The following PARD3B variants were observed in gnomAD, a reference collection of about 807,000 sequenced individuals.
PARD3B encodes par-3 family cell polarity regulator beta, also known as partitioning defective 3 homolog B.
A neutral mutation model predicts 130.2 loss-of-function variants in PARD3B; 103 were observed. That is an observed-to-expected ratio of 0.79 (90% CI 0.67 to 0.93). The LOEUF (loss-of-function observed/expected upper bound fraction) is 0.93. Ranked by LOEUF, PARD3B falls within the 40% of genes least tolerant of loss-of-function variation. The pLI, the probability that PARD3B is intolerant of heterozygous loss-of-function variation, is 0.00. For missense variants in PARD3B, 1,609 were observed against 1,499.2 expected (o/e 1.07, Z -1.21); for synonymous variants, 583 against 553.2 (o/e 1.05, Z -0.76).
chr2:205,082,217 A>T (rs1336383335), intron 4 of PARD3B, among the ~76,000 whole-genome samples: 1 of 151,826 alleles, frequency 6.6e-6, no homozygotes, highest in African/African-American at 2.4e-5. Context: ...TCCCTTTTTC[A>T]TTCTTGACAT....
chr2:204,994,778 T>C (rs1227819140), intron 3 of PARD3B, among the ~76,000 whole-genome samples: 6 of 145,414 alleles, frequency 4.1e-5, no homozygotes, highest in African/African-American at 1.3e-4. Flanking sequence ...ATTGGGTGCA[T>C]AAATATTTAG....
intron 20 of PARD3B, among the ~76,000 whole-genome samples, chr2:205,479,518 A>G (rs1290719646): frequency 2.0e-5 from 3 of 152,208 alleles, no homozygotes; most frequent in Non-Finnish European, 4.4e-5. Context: ...GGGAATTCCA[A>G]TGTAGAAAAG....
intron 19 of PARD3B, among the ~76,000 whole-genome samples, chr2:205,437,397 G>A (rs983840040): frequency 2.0e-5 from 3 of 152,114 alleles, no homozygotes; most frequent in Non-Finnish European, 4.4e-5. Flanking sequence ...ATATATTAAA[G>A]TGGGATGAGG....
intron 18 of PARD3B, among the ~76,000 whole-genome samples, chr2:205,335,177 C>T (rs2043266404): frequency 6.6e-6 from 1 of 152,120 alleles, no homozygotes; most frequent in African/African-American, 2.4e-5. Context: ...ATCTGTGTTG[C>T]TTTGATCCAA....
chr2:205,454,765 A>G (rs1367301353), intron 20 of PARD3B, among the ~76,000 whole-genome samples: 1 of 152,148 alleles, frequency 6.6e-6, no homozygotes, highest in African/African-American at 2.4e-5. Flanking sequence ...ATATCCATAT[A>G]CTATGCCCTC....
intron 10 of PARD3B, among the ~76,000 whole-genome samples, chr2:205,133,106 T>C (rs2125651115): frequency 6.6e-6 from 1 of 152,322 alleles, no homozygotes; most frequent in Admixed American, 6.5e-5. Flanking sequence ...GCAATAGCGA[T>C]TTCTGATTTA....
At chr2:204,604,821 A>T (rs140555851) in intron 1 of PARD3B, among the ~76,000 whole-genome samples, 1 of 152,178 alleles carries the variant, frequency 6.6e-6, no homozygotes, top group Non-Finnish European at 1.5e-5. Flanking sequence ...ATTTTATGAT[A>T]TCTCTTGGGC....
chr2:204,949,509 A>G (rs1195864443), intron 2 of PARD3B, among the ~76,000 whole-genome samples: 1 of 151,858 alleles, frequency 6.6e-6, no homozygotes, highest in African/African-American at 2.4e-5. Context: ...TCCTGTAGAG[A>G]TGGGGTCTTA....
intron 18 of PARD3B, among the ~76,000 whole-genome samples, chr2:205,339,102 C>A (rs2043422628): frequency 6.6e-6 from 1 of 152,082 alleles, no homozygotes; most frequent in African/African-American, 2.4e-5. Flanking sequence ...CTGAAATAAT[C>A]AAACTTGAAG....
intron 1 of PARD3B, among the ~76,000 whole-genome samples, chr2:204,555,718 C>T (rs957265046): frequency 1.3e-5 from 2 of 152,200 alleles, no homozygotes; most frequent in Admixed American, 6.5e-5. Flanking sequence ...GTCTCAGTCA[C>T]ACTGATCGCT....
At chr2:205,294,697 A>G (rs2041725849) in intron 16 of PARD3B, among the ~76,000 whole-genome samples, 1 of 152,186 alleles carries the variant, frequency 6.6e-6, no homozygotes, top group Admixed American at 6.6e-5. Flanking sequence ...ATTATTGAAC[A>G]TTTTGATGTG....
At chr2:205,608,312 C>T (rs773844312) in intron 22 of PARD3B, among the ~76,000 whole-genome samples, 3 of 152,000 alleles carry the variant, frequency 2.0e-5, no homozygotes, top group South Asian at 2.1e-4. Flanking sequence ...GATTATCAGA[C>T]GAAATCCACA....
intron 18 of PARD3B, among the ~76,000 whole-genome samples, chr2:205,358,182 A>G (rs904558198): frequency 2.2e-5 from 2 of 88,922 alleles, no homozygotes; most frequent in African/African-American, 5.3e-5. Flanking sequence ...TGCTGTTTTC[A>G]GAACTGTATA....
chr2:204,816,217 G>A (rs533237697), intron 2 of PARD3B, among the ~76,000 whole-genome samples: 26 of 151,902 alleles, frequency 1.7e-4, no homozygotes, highest in Middle Eastern at 3.4e-3. Flanking sequence ...GTTGTCGTAC[G>A]TATTACTTTT....
At chr2:205,434,891 A>G (rs757088503) in intron 19 of PARD3B, among the ~76,000 whole-genome samples, 12 of 133,132 alleles carry the variant, frequency 9.0e-5, no homozygotes, top group Non-Finnish European at 1.8e-4. Context: ...ATATTTTTTA[A>G]GTTTTTAAAA....
chr2:205,065,802 G>A (rs1700335502), intron 4 of PARD3B, among the ~76,000 whole-genome samples: 1 of 64,280 alleles, frequency 1.6e-5, no homozygotes, highest in African/African-American at 6.5e-5. Context: ...ATGCAGCACA[G>A]AAGCCCTTGC....
intron 12 of PARD3B, among the ~76,000 whole-genome samples, chr2:205,174,850 C>A (rs1356783189): frequency 6.6e-6 from 1 of 152,162 alleles, no homozygotes; most frequent in African/African-American, 2.4e-5. Context: ...GTGAAGAATA[C>A]ATAATGAGCC....
rs181247421 is a variant in PARD3B at position 204,585,793 on chromosome 2, A to T, written c.120+39674A>T. Among the ~76,000 whole-genome samples, 467 of 152,162 alleles carry T rather than the reference A, an allele frequency of 3.1e-3. 3 individuals carry two copies. Among genetic ancestry groups the T allele is most frequent in the African/African-American group, 0.01 (430 of 41,520 alleles). On this transcript the variant is annotated intron_variant, in intron 1 of 22. Coordinates refer to ENST00000406610, the MANE Select transcript of PARD3B (RefSeq NM_001302769.2). ...CCATTCAACATGTTTACATTTTTAC[A>T]TTTTTTATACTTAAAATATATATAG...
At chr2:205,169,070 A>G (rs923616556) in intron 11 of PARD3B, among the ~76,000 whole-genome samples, 5 of 152,318 alleles carry the variant, frequency 3.3e-5, no homozygotes, top group East Asian at 1.9e-4. Flanking sequence ...GATGACCTCT[A>G]AGGACCCTTC....
Sources: allele counts gnomAD v4.1 joint callset (sites outside exome capture counted in the v4.1 genomes callset), GRCh38; gene constraint gnomAD v4.1.1; transcripts MANE v1.5; gene names NCBI Gene and HGNC (gene_info 2026-07-23, HGNC 2026-07-21).